Variants in NXPH1 observed in about 807,000 individuals in gnomAD.
NXPH1 encodes the protein neurexophilin 1.
Under a neutral mutation model 23.7 loss-of-function variants are expected in NXPH1, and 5 were observed. The observed-to-expected ratio is 0.21, with a 90% CI of 0.11 to 0.44. The LOEUF is 0.44. Ranked by LOEUF, NXPH1 falls within the 20% of genes least tolerant of loss-of-function variation. The probability of loss-of-function intolerance (pLI) is 0.99; values close to 1 mark genes in which losing one functional copy is unlikely to be tolerated. For missense variants in NXPH1, 324 were observed against 321.6 expected, an observed-to-expected ratio of 1.01 and a Z score of -0.06; for synonymous variants, 144 against 122.2, an observed-to-expected ratio of 1.18 and a Z score of -1.18.
intron 2 of NXPH1, among the ~76,000 whole-genome samples, chr7:8,710,869 A>G (rs1357771878): frequency 7.0e-6 from 1 of 142,648 alleles, no homozygotes; most frequent in African/African-American, 2.8e-5. Flanking sequence ...TCACCGTGTT[A>G]GCCAGGATGG....
In NXPH1 at chr7:8,678,907, G is replaced by C. The variant is rs147382334; in HGVS notation, c.55-72101G>C. On this transcript the variant is annotated intron_variant, in intron 2 of 2. Transcript: ENST00000405863. ...CTCTTAGTTTTGGTTCACTTTTCTA[G>C]ATTTATCTTTGCTTTATCCAATTTT... Among the ~76,000 whole-genome samples, 1,018 of 116,016 alleles carry C rather than the reference G, an allele frequency of 8.8e-3. 16 individuals carry two copies. The highest frequency in any genetic ancestry group is 0.033 in the African/African-American group (960 of 29,000). The allele number at this position is 116,016 out of a possible 152,430, so 76.1% of individuals were successfully genotyped here. A position where few individuals can be genotyped will look rare whatever the true frequency, so the allele number is the denominator to read the frequency against.
rs189359586 is a variant in NXPH1, at chr7:8,685,736, C to A, written c.55-65272C>A. On this transcript the variant is annotated intron_variant, in intron 2 of 2. Transcript: ENST00000405863. ...TTACATTCCCACCAATTGAACTCAT[C>A]GATATAGAGAGTACAAGGAAGGTTA... 9.3e-5 allele frequency among the ~76,000 whole-genome samples: 14 copies of A among 151,184 alleles called. No individual in the cohort carries two copies. In the East Asian group the frequency reaches 2.5e-3, roughly 27 times the overall value.
At chr7:8,604,015 A>G (rs1301788195) in intron 2 of NXPH1, among the ~76,000 whole-genome samples, 1 of 152,130 alleles carries the variant, frequency 6.6e-6, no homozygotes, top group African/African-American at 2.4e-5. Flanking sequence ...GACAAATGCA[A>G]TGAAGATAGT....
intron 2 of NXPH1, among the ~76,000 whole-genome samples, chr7:8,494,292 A>G (rs1817299853): frequency 6.6e-6 from 1 of 152,166 alleles, no homozygotes; most frequent in South Asian, 2.1e-4. Flanking sequence ...TTCATTGACT[A>G]TACAGAATGT....
intron 2 of NXPH1, among the ~76,000 whole-genome samples, chr7:8,591,965 T>A (rs1819105244): frequency 6.6e-6 from 1 of 151,804 alleles, no homozygotes; most frequent in Non-Finnish European, 1.5e-5. Context: ...AGATACTCAT[T>A]ATCATCTTTC....
chr7:8,722,289 G>A (rs919813609), intron 2 of NXPH1, among the ~76,000 whole-genome samples: 4 of 152,128 alleles, frequency 2.6e-5, no homozygotes, highest in East Asian at 1.9e-4. Flanking sequence ...CCTTTTAAAA[G>A]CAAGACTTCT....
At chr7:8,714,102 T>C (rs1218470727) in intron 2 of NXPH1, among the ~76,000 whole-genome samples, 1 of 152,220 alleles carries the variant, frequency 6.6e-6, no homozygotes, top group African/African-American at 2.4e-5. Context: ...CTTTTAAACC[T>C]ACCTGGTGCC....
At chr7:8,585,230 C>T (rs889294564) in intron 2 of NXPH1, among the ~76,000 whole-genome samples, 3 of 152,146 alleles carry the variant, frequency 2.0e-5, no homozygotes, top group Non-Finnish European at 2.9e-5. Context: ...TAAAGAGATG[C>T]CTCTTCTGTT....
At chr7:8,575,395 C>G (rs1401374849) in intron 2 of NXPH1, among the ~76,000 whole-genome samples, 1 of 152,094 alleles carries the variant, frequency 6.6e-6, no homozygotes, top group Admixed American at 6.5e-5. Flanking sequence ...GAAGAAAACT[C>G]ATTAAAATTC....
chr7:8,552,280 C>T (rs952013432), intron 2 of NXPH1, among the ~76,000 whole-genome samples: 5 of 151,286 alleles, frequency 3.3e-5, no homozygotes, highest in African/African-American at 7.3e-5. Flanking sequence ...CAGCAATAAC[C>T]GATAGCAAGC....
intron 2 of NXPH1, among the ~76,000 whole-genome samples, chr7:8,654,165 T>C (rs1404235415): frequency 1.3e-5 from 2 of 152,202 alleles, no homozygotes; most frequent in Non-Finnish European, 2.9e-5. Context: ...CTTCTATTTC[T>C]CTTAAGAAAA....
chr7:8,491,020 G>A (rs990769565), intron 2 of NXPH1, among the ~76,000 whole-genome samples: 2 of 151,970 alleles, frequency 1.3e-5, no homozygotes, highest in African/African-American at 2.4e-5. Flanking sequence ...TGACACCTGC[G>A]ACACCTGCTT....
chr7:8,522,730 A>G (rs1335250306), intron 2 of NXPH1, among the ~76,000 whole-genome samples: 1 of 152,206 alleles, frequency 6.6e-6, no homozygotes, highest in African/African-American at 2.4e-5. Context: ...CTCAGCCTAT[A>G]TCTTCCATAA....
chr7:8,439,479 C>A (rs543573109), intron 2 of NXPH1, among the ~76,000 whole-genome samples: 1 of 152,184 alleles, frequency 6.6e-6, no homozygotes, highest in African/African-American at 2.4e-5. Context: ...CCAATGCATC[C>A]GACAAGGCAT....
intron 2 of NXPH1, among the ~76,000 whole-genome samples, chr7:8,591,066 C>T (rs185822269): frequency 4.6e-5 from 7 of 152,022 alleles, no homozygotes; most frequent in South Asian, 4.2e-4. Flanking sequence ...TTTAGAACAG[C>T]GTAAGAAAAG....
chr7:8,453,161 G>A (rs1157353362), intron 2 of NXPH1, among the ~76,000 whole-genome samples: 1 of 152,088 alleles, frequency 6.6e-6, no homozygotes, highest in Non-Finnish European at 1.5e-5. Context: ...GAGGGGGAAA[G>A]GGGAGAGAGG....
At chr7:8,456,159 C>A (rs1196333277) in intron 2 of NXPH1, among the ~76,000 whole-genome samples, 1 of 152,074 alleles carries the variant, frequency 6.6e-6, no homozygotes, top group Non-Finnish European at 1.5e-5. Context: ...TTGCCCATGA[C>A]AGAAATTAAA....
intron 2 of NXPH1, among the ~76,000 whole-genome samples, chr7:8,694,901 G>C (rs1231703986): frequency 2.6e-5 from 4 of 152,114 alleles, no homozygotes; most frequent in Non-Finnish European, 5.9e-5. Flanking sequence ...GAATACTTCA[G>C]GGCAGGATTT....
chr7:8,611,752 T>C (rs1819627301), intron 2 of NXPH1, among the ~76,000 whole-genome samples: 1 of 152,076 alleles, frequency 6.6e-6, no homozygotes, highest in Admixed American at 6.6e-5. Context: ...CATGGTAAAG[T>C]GATGATAGGA....
Sources: allele counts gnomAD v4.1 joint callset (sites outside exome capture counted in the v4.1 genomes callset), GRCh38; gene constraint gnomAD v4.1.1; transcripts MANE v1.5; gene names NCBI Gene and HGNC (gene_info 2026-07-23, HGNC 2026-07-21).